Variants in TENM4 observed in about 807,000 individuals in gnomAD.
TENM4 encodes teneurin transmembrane protein 4, also known as teneurin-4.
TENM4 carries 82 observed loss-of-function variants against 243.3 expected under a neutral mutation model. The ratio of observed to expected loss-of-function variants is 0.34; its 90% CI spans 0.28 to 0.40. TENM4 has a LOEUF of 0.40. Among genes scored for constraint, TENM4 ranks in the 10% least tolerant of loss-of-function variants. TENM4 has a pLI of 1.00. For synonymous variants in TENM4, 1,412 were observed against 1,456.3 expected (o/e 0.97, Z 0.69); for missense variants, 3,138 against 3,673.3 (o/e 0.85, Z 3.77).
intron 6 of TENM4, among the ~76,000 whole-genome samples, chr11:79,059,756 C>G (rs549150142): frequency 2.6e-4 from 40 of 152,310 alleles, no homozygotes; most frequent in Non-Finnish European, 5.6e-4. Context: ...CCAACAGCCT[C>G]TTCTTAGTTC....
At chr11:78,767,095 C>T (rs773364674) in intron 18 of TENM4, among the ~76,000 whole-genome samples, 16 of 152,062 alleles carry the variant, frequency 1.1e-4, no homozygotes, top group Non-Finnish European at 2.2e-4. Context: ...AAGAGTAACC[C>T]GGAGATCTTA....
chr11:79,403,271 G>T (rs768188310), intron 1 of TENM4, among the ~76,000 whole-genome samples: 5 of 152,144 alleles, frequency 3.3e-5, no homozygotes, highest in Non-Finnish European at 7.4e-5. Context: ...TAAATGGGAG[G>T]ACTAGCACTG....
chr11:78,942,544 C>A (rs559792644), intron 6 of TENM4, among the ~76,000 whole-genome samples: 2 of 152,162 alleles, frequency 1.3e-5, no homozygotes, highest in South Asian at 2.1e-4. Context: ...GGGCTGCAGG[C>A]GGCCTGTGGG....
chr11:79,008,905 G>A (rs547124351), intron 6 of TENM4, among the ~76,000 whole-genome samples: 10 of 152,186 alleles, frequency 6.6e-5, no homozygotes, highest in South Asian at 2.1e-4. Flanking sequence ...ATATCACCAC[G>A]CCCTTGCCAA....
At position 78,701,630 on chromosome 11, in the gene TENM4, C is replaced by T. The variant is rs760527169; in HGVS notation, c.4983G>A (p.Lys1661=). ...WVTMGTNSAL[K]SVTTQGHELA... ...ACTCGTGTCCTTGTGTGGTCACACT[C>T]TTGAGTGCACTGTTGGTGCCCATGG... Residue 1661 remains lysine (K), a synonymous_variant, in exon 28 of 34, where the codon AAG becomes AAA. Transcript: ENST00000278550. 1 of 1,613,906 alleles carries T rather than the reference C, an allele frequency of 6.2e-7. No homozygotes were observed. The highest frequency in any genetic ancestry group is 2.2e-5 in the East Asian group (1 of 44,876).
chr11:78,846,220 C>T (rs1858389459), intron 12 of TENM4, among the ~76,000 whole-genome samples: 1 of 152,334 alleles, frequency 6.6e-6, no homozygotes, highest in South Asian at 2.1e-4. Flanking sequence ...CTGAATTAGG[C>T]TTCTACGTGT....
chr11:79,004,128 T>A (rs542372253), intron 6 of TENM4, among the ~76,000 whole-genome samples: 38 of 152,298 alleles, frequency 2.5e-4, no homozygotes, highest in African/African-American at 8.2e-4. Flanking sequence ...ACCGGAGAAC[T>A]CAGATTCATA....
At chr11:78,802,035 G>A (rs764054666) in intron 15 of TENM4, among the ~76,000 whole-genome samples, 7 of 152,196 alleles carry the variant, frequency 4.6e-5, no homozygotes, top group Non-Finnish European at 7.3e-5. Context: ...GCCATTCAAC[G>A]AGTGGGGAGC....
chr11:78,861,678 T>C (rs990975431), intron 10 of TENM4, among the ~76,000 whole-genome samples: 31 of 152,260 alleles, frequency 2.0e-4, no homozygotes, highest in Admixed American at 4.6e-4. Flanking sequence ...TCAGAGGTCA[T>C]GAGTAGATAC....
At chr11:78,920,805 G>A (rs563872766) in intron 6 of TENM4, among the ~76,000 whole-genome samples, 1 of 152,266 alleles carries the variant, frequency 6.6e-6, no homozygotes, top group Non-Finnish European at 1.5e-5. Context: ...AATTCCAAAT[G>A]GGGAAAAATG....
chr11:79,125,459 G>A (rs1187487730), intron 4 of TENM4, among the ~76,000 whole-genome samples: 2 of 152,126 alleles, frequency 1.3e-5, no homozygotes, highest in African/African-American at 2.4e-5. Flanking sequence ...TATCATGTGA[G>A]TGGCTGACCT....
At position 79,438,715 on chromosome 11, in the gene TENM4, C is replaced by T. The variant is rs1859331149; in HGVS notation, c.-321+1794G>A. Among the ~76,000 whole-genome samples the T allele has an allele frequency of 6.6e-6, 1 of 152,196 alleles. No individual in the cohort carries two copies. The highest frequency in any genetic ancestry group is 1.5e-5 in the Non-Finnish European group (1 of 68,030). Reference sequence around the variant, plus strand: ...ACACCAAGTCAGTTTCTGAAAACGGCGTTCCCTGGAAGGCCTTCCAACACC... The same window carrying T: ...ACACCAAGTCAGTTTCTGAAAACGGTGTTCCCTGGAAGGCCTTCCAACACC... On this transcript the variant is annotated intron_variant, in intron 1 of 33. Coordinates refer to ENST00000278550, the MANE Select transcript of TENM4 (RefSeq NM_001098816.3). The surrounding 1 kb of genome is among the most constrained non-coding windows in gnomAD (Gnocchi z 4.1).
chr11:79,394,078 C>T (rs917263962), intron 1 of TENM4, among the ~76,000 whole-genome samples: 7 of 152,196 alleles, frequency 4.6e-5, no homozygotes, highest in Non-Finnish European at 1.0e-4. Flanking sequence ...ACAGTGAATT[C>T]AACACCTCAC....
intron 6 of TENM4, among the ~76,000 whole-genome samples, chr11:79,061,764 AG>A (rs1279001818): frequency 1.3e-5 from 2 of 151,910 alleles, no homozygotes; most frequent in African/African-American, 4.9e-5. Flanking sequence ...AAGATTTTAG[AG>A]TCATGTAGGC....
intron 3 of TENM4, among the ~76,000 whole-genome samples, chr11:79,215,184 TAGCTTGAAACATCTTCC>T (rs1372021920): frequency 6.6e-6 from 1 of 152,198 alleles, no homozygotes; most frequent in African/African-American, 2.4e-5. Flanking sequence ...GTTCCTCCTC[TAGCTTGAAACATCTTCC>T]ACTTTTCCCA....
chr11:79,271,459 T>C (rs147978538), intron 2 of TENM4, among the ~76,000 whole-genome samples: 228 of 152,342 alleles, frequency 1.5e-3, no homozygotes, highest in Middle Eastern at 6.8e-3. Context: ...TAAGAGACCA[T>C]GGCCCCTCCA....
At chr11:78,867,847 A>C (rs1187589378) in intron 9 of TENM4, among the ~76,000 whole-genome samples, 3 of 152,196 alleles carry the variant, frequency 2.0e-5, no homozygotes, top group Non-Finnish European at 4.4e-5. Flanking sequence ...AATTTGAGGC[A>C]AGTTTAAAAC....
At chr11:79,326,453 T>C (rs1024604157) in intron 1 of TENM4, among the ~76,000 whole-genome samples, 1 of 152,204 alleles carries the variant, frequency 6.6e-6, no homozygotes, top group Non-Finnish European at 1.5e-5. Context: ...AAAGCAAGCA[T>C]GGACTCCCCA....
Position 78,896,836 on chromosome 11 carries a change from TACTTA to T in TENM4, c.750-5505_750-5501del, listed in dbSNP as rs1216355849. ...ACTGGCTGTGGGACCTGAGGCAAGT[TACTTA>T]ACTTGTCTGTGCTTCAGATTCTTCA... On this transcript the variant is annotated intron_variant, in intron 7 of 33. Coordinates refer to ENST00000278550, the MANE Select transcript of TENM4 (RefSeq NM_001098816.3). Among the ~76,000 whole-genome samples the T allele has an allele frequency of 3.9e-5, 6 of 152,196 alleles. No individual in the cohort carries two copies. The East Asian group carries it at 9.7e-4, about 25-fold the overall frequency.
Sources: allele counts gnomAD v4.1 joint callset (sites outside exome capture counted in the v4.1 genomes callset), GRCh38; gene constraint gnomAD v4.1.1; non-coding constraint Gnocchi (gnomAD v3.1); transcripts MANE v1.5; gene names NCBI Gene and HGNC (gene_info 2026-07-23, HGNC 2026-07-21).